CORO1C: variants seen among roughly 807,000 people sequenced by gnomAD.
The protein encoded by CORO1C is coronin-1C.
Under a neutral mutation model 51.2 loss-of-function variants are expected in CORO1C, and 14 were observed. That is an observed-to-expected ratio of 0.27 (90% CI 0.18 to 0.43). CORO1C has a LOEUF of 0.43. Among genes scored for constraint, CORO1C ranks in the 20% least tolerant of loss-of-function variants. CORO1C has a pLI of 1.00. For missense variants in CORO1C, 417 were observed against 607.8 expected (o/e 0.69, Z 3.30); for synonymous variants, 181 against 210.5 (o/e 0.86, Z 1.21).
At chr12:108,677,044 T>A (rs951450963) in intron 3 of CORO1C, among the ~76,000 whole-genome samples, 1 of 152,200 alleles carries the variant, frequency 6.6e-6, no homozygotes, top group African/African-American at 2.4e-5. Flanking sequence ...AAAATAATTT[T>A]AATTAATAAA....
chr12:108,707,602 A>C (rs2035062871), intron 1 of CORO1C, among the ~76,000 whole-genome samples: 2 of 152,240 alleles, frequency 1.3e-5, no homozygotes, highest in South Asian at 4.1e-4. Context: ...ATGACACCAA[A>C]AGCACAAGCA....
intron 1 of CORO1C, among the ~76,000 whole-genome samples, chr12:108,725,853 C>G (rs2035575839): frequency 6.6e-6 from 1 of 152,054 alleles, no homozygotes; most frequent in Non-Finnish European, 1.5e-5. Context: ...CTCTGCCGCC[C>G]AGGCTGGAGT....
At chr12:108,686,818 T>C (rs1351393736) in intron 2 of CORO1C, among the ~76,000 whole-genome samples, 2 of 152,174 alleles carry the variant, frequency 1.3e-5, no homozygotes, top group African/African-American at 2.4e-5. Context: ...CTACAGACAT[T>C]ATTATCTGAA....
At chr12:108,664,881 G>A (rs773718275) in intron 3 of CORO1C, among the ~76,000 whole-genome samples, 8 of 152,296 alleles carry the variant, frequency 5.3e-5, no homozygotes, top group African/African-American at 1.7e-4. Context: ...GCATGAAGTC[G>A]ACAGAAAAAC....
intron 2 of CORO1C, among the ~76,000 whole-genome samples, chr12:108,679,841 C>T (rs912508816): frequency 1.3e-5 from 2 of 152,170 alleles, no homozygotes; most frequent in African/African-American, 4.8e-5. Context: ...TCACCTCATT[C>T]GTCATCTGTA....
At chr12:108,657,165 C>T (rs570885355) in intron 6 of CORO1C, 139 bp downstream of exon 6, 1 of 1,152,760 alleles carries the variant, frequency 8.7e-7, no homozygotes, top group Non-Finnish European at 1.2e-6. Context: ...AGGATAAGAA[C>T]TTCACATCCA....
At chr12:108,698,686 C>A (rs2034769440) in intron 2 of CORO1C, among the ~76,000 whole-genome samples, 1 of 152,238 alleles carries the variant, frequency 6.6e-6, no homozygotes, top group Admixed American at 6.5e-5. Context: ...GGATTACAGG[C>A]ATGGGCCACT....
chr12:108,662,317 GTT>G (rs149021672), intron 3 of CORO1C, among the ~76,000 whole-genome samples, 159 bp from the exon 4 acceptor site: 14 of 148,456 alleles, frequency 9.4e-5, no homozygotes, highest in African/African-American at 3.5e-4. Context: ...GTGTTAGGCG[GTT>G]TTTTTTTTGT....
At position 108,685,477 on chromosome 12, in the gene CORO1C, T is replaced by C. The variant is rs577802556; in HGVS notation, c.196-7083A>G. Among the ~76,000 whole-genome samples the C allele has an allele frequency of 3.3e-5, 5 of 152,162 alleles. No individual in the cohort carries two copies. The South Asian group carries it at 1.0e-3, about 32-fold the overall frequency. ...TGTCCTCATGACAACCTTTAAGATG[T>C]GGGAATCTTATCACCCTATTTTCCA... On this transcript the variant is annotated intron_variant, in intron 2 of 10. Transcript: ENST00000261401.
intron 2 of CORO1C, among the ~76,000 whole-genome samples, chr12:108,682,695 G>GTA (rs1363713726): frequency 6.6e-6 from 1 of 152,056 alleles, no homozygotes; most frequent in Non-Finnish European, 1.5e-5. Context: ...ATATAACCTT[G>GTA]TACCTAACAT....
intron 3 of CORO1C, among the ~76,000 whole-genome samples, chr12:108,662,404 C>G (rs756380690): frequency 6.6e-6 from 1 of 151,980 alleles, no homozygotes; most frequent in African/African-American, 2.4e-5. Flanking sequence ...TGCAGTGGCG[C>G]GATCTCGGCT....
Position 108,647,276 on chromosome 12 carries a change from A to G in CORO1C, c.*127T>C, listed in dbSNP as rs770243680. On this transcript the variant is annotated 3_prime_UTR_variant, in exon 11 of 11. Coordinates refer to ENST00000261401, the MANE Select transcript of CORO1C (RefSeq NM_014325.4). ...GAATGTGGCCTATCGCTGGTTGACA[A>G]ATCTGAAATGGAATGTCTCCAAATG... 4.3e-5 allele frequency: 37 copies of G among 853,710 alleles called. No homozygotes were observed. The highest frequency in any genetic ancestry group is 6.3e-5 in the Non-Finnish European group (36 of 574,982). The allele number at this position is 853,710 out of a possible 1,614,324, so 52.9% of individuals were successfully genotyped here.
chr12:108,687,926 T>C (rs986948121), intron 2 of CORO1C, among the ~76,000 whole-genome samples: 1 of 148,716 alleles, frequency 6.7e-6, no homozygotes, highest in Non-Finnish European at 1.5e-5. Flanking sequence ...CTCTGACCCT[T>C]TTTTTTTTTT....
At chr12:108,651,251 C>T (rs1238781580) in intron 8 of CORO1C, among the ~76,000 whole-genome samples, 1 of 152,202 alleles carries the variant, frequency 6.6e-6, no homozygotes, top group Non-Finnish European at 1.5e-5. Flanking sequence ...TCCACATAAA[C>T]ACAGTGTTAC....
chr12:108,722,402 C>A (rs933626345), intron 1 of CORO1C, among the ~76,000 whole-genome samples: 9 of 152,150 alleles, frequency 5.9e-5, no homozygotes, highest in Non-Finnish European at 1.3e-4. Context: ...CCAGCACAGA[C>A]CTGGAGGGCT....
intron 3 of CORO1C, among the ~76,000 whole-genome samples, chr12:108,669,740 A>G (rs560036633): frequency 6.6e-6 from 1 of 151,786 alleles, no homozygotes; most frequent in East Asian, 1.9e-4. Flanking sequence ...TCTATAATAC[A>G]GTGTTCTTTT....
rs1250475992 is a variant in CORO1C, at chr12:108,656,222, G to A, written c.750+1082C>T. Among the ~76,000 whole-genome samples, 9 of 147,446 alleles carry A rather than the reference G, an allele frequency of 6.1e-5. No individual in the cohort carries two copies. The East Asian group carries it at 1.6e-3, about 27-fold the overall frequency. ...TGAGAAGTGAGGAGCCCCTCCGCCC[G>A]GCAGCCACCCCGTCTGGGAAGTGAG... is the stretch of plus-strand genomic sequence containing the variant. On this transcript the variant is annotated intron_variant, in intron 6 of 10. Coordinates refer to ENST00000261401, the MANE Select transcript of CORO1C (RefSeq NM_014325.4).
At chr12:108,678,445 T>A in intron 2 of CORO1C, 51 bp from the exon 3 acceptor site, 2 of 1,406,294 alleles carry the variant, frequency 1.4e-6, no homozygotes, top group South Asian at 3.3e-5. Flanking sequence ...ACCACAGACG[T>A]TATACATTTT....
At chr12:108,673,294 C>T (rs2033783912) in intron 3 of CORO1C, among the ~76,000 whole-genome samples, 1 of 152,158 alleles carries the variant, frequency 6.6e-6, no homozygotes, top group African/African-American at 2.4e-5. Context: ...CACAAGATTC[C>T]CTTAAGCCAA....
Sources: allele counts gnomAD v4.1 joint callset (sites outside exome capture counted in the v4.1 genomes callset), GRCh38; gene constraint gnomAD v4.1.1; transcripts MANE v1.5; gene names NCBI Gene and HGNC (gene_info 2026-07-23, HGNC 2026-07-21).